The following RGS6 variants were observed in gnomAD, a reference collection of about 807,000 sequenced individuals.
The protein encoded by RGS6 is regulator of G-protein signaling 6.
A neutral mutation model predicts 78.5 loss-of-function variants in RGS6; 30 were observed. That is an observed-to-expected ratio of 0.38 (90% CI 0.29 to 0.52). The LOEUF (loss-of-function observed/expected upper bound fraction) is 0.52. Among genes scored for constraint, RGS6 ranks in the 20% least tolerant of loss-of-function variants. RGS6 has a pLI of 0.85. For synonymous variants in RGS6, 206 were observed against 206.0 expected, an observed-to-expected ratio of 1.00 and a Z score of 0.00; for missense variants, 495 against 609.7, an observed-to-expected ratio of 0.81 and a Z score of 1.98.
chr14:72,419,566 T>C (rs11628263), intron 3 of RGS6, among the ~76,000 whole-genome samples: 57,812 of 152,134 alleles, frequency 0.38, 13,233 homozygotes, highest in African/African-American at 0.63. Context: ...ACAATGTGTC[T>C]GTGCACATGT....
the RGS6 span, among the ~76,000 whole-genome samples, chr14:72,603,436 A>G: frequency 6.6e-6 from 1 of 152,344 alleles, no homozygotes; most frequent in Non-Finnish European, 1.5e-5. Context: ...AGAAATATCC[A>G]TGCCTATGAG....
chr14:71,922,252 C>T, the RGS6 span, among the ~76,000 whole-genome samples: 1 of 152,194 alleles, frequency 6.6e-6, no homozygotes, highest in Admixed American at 6.5e-5. Context: ...AATTCATCAA[C>T]AAGTTTTATC....
At chr14:71,990,722 A>C (rs1387369245) in intron 2 of RGS6, 5 of 455,824 alleles carry the variant, frequency 1.1e-5, no homozygotes, top group African/African-American at 2.0e-5. Flanking sequence ...TCCTCTCTAC[A>C]TGCTGCATTG....
At chr14:72,469,159 G>A (rs754120546) in intron 7 of RGS6, among the ~76,000 whole-genome samples, 5 of 150,794 alleles carry the variant, frequency 3.3e-5, no homozygotes, top group Non-Finnish European at 7.4e-5. Context: ...TCTGTTTTGG[G>A]CTTTTTCTTT....
the RGS6 span, among the ~76,000 whole-genome samples, chr14:71,919,720 G>A: frequency 1.6e-4 from 25 of 152,244 alleles, no homozygotes; most frequent in Admixed American, 1.2e-3. Flanking sequence ...TAAGCTGGGC[G>A]CGGTGGCTCA....
intron 2 of RGS6, among the ~76,000 whole-genome samples, chr14:71,983,788 A>G (rs2094564044): frequency 6.6e-6 from 1 of 152,232 alleles, no homozygotes; most frequent in African/African-American, 2.4e-5. Flanking sequence ...CTAATTTCCA[A>G]ATGAACTTAC....
chr14:72,120,149 A>C (rs1313657842), intron 2 of RGS6, among the ~76,000 whole-genome samples: 2 of 152,240 alleles, frequency 1.3e-5, no homozygotes, highest in East Asian at 3.8e-4. Flanking sequence ...GTCATGGAAT[A>C]TTTAGAGGAT....
intron 3 of RGS6, among the ~76,000 whole-genome samples, chr14:72,425,231 C>T (rs1228570033): frequency 1.3e-5 from 2 of 152,092 alleles, no homozygotes; most frequent in Non-Finnish European, 2.9e-5. Context: ...CTCCACCTCC[C>T]GAGTTCAGGC....
intron 3 of RGS6, among the ~76,000 whole-genome samples, chr14:72,357,419 G>C (rs1376143502): frequency 6.6e-6 from 1 of 152,142 alleles, no homozygotes; most frequent in African/African-American, 2.4e-5. Flanking sequence ...GGAAGATGTG[G>C]GAAAGTTTAG....
chr14:72,210,298 C>T (rs2043779036), intron 2 of RGS6, among the ~76,000 whole-genome samples: 1 of 152,140 alleles, frequency 6.6e-6, no homozygotes, highest in Non-Finnish European at 1.5e-5. Context: ...TTCCTTTTTG[C>T]TGCTAGAGAG....
In RGS6 at chr14:72,031,528, G is replaced by T. The variant is rs144653341; in HGVS notation, c.84+66653G>T. Reference sequence around the variant, plus strand: ...ATCTTAGTGACTTAAGACAACAAAGGTTTATTACATGGATAATGTAGATCA... The same window carrying T: ...ATCTTAGTGACTTAAGACAACAAAGTTTTATTACATGGATAATGTAGATCA... On this transcript the variant is annotated intron_variant, in intron 2 of 17. Transcript: ENST00000553525. Among the ~76,000 whole-genome samples the T allele has an allele frequency of 1.6e-4, 25 of 152,234 alleles. No homozygotes were observed. In the East Asian group the frequency reaches 3.9e-3, roughly 24 times the overall value.
At chr14:72,206,873 T>A (rs1416058259) in intron 2 of RGS6, among the ~76,000 whole-genome samples, 1 of 152,144 alleles carries the variant, frequency 6.6e-6, no homozygotes, top group South Asian at 2.1e-4. Context: ...ATAAAATACA[T>A]GTACAACCAC....
chr14:72,156,687 A>T (rs887201234), intron 2 of RGS6, among the ~76,000 whole-genome samples: 1 of 151,552 alleles, frequency 6.6e-6, no homozygotes, highest in Non-Finnish European at 1.5e-5. Flanking sequence ...ATAAGATGAG[A>T]TCTGCTATTT....
At chr14:72,031,716 T>G (rs1596342144) in intron 2 of RGS6, among the ~76,000 whole-genome samples, 1 of 152,280 alleles carries the variant, frequency 6.6e-6, no homozygotes, top group East Asian at 1.9e-4. Flanking sequence ...TTGCTTATAT[T>G]TCATTGACCA....
chr14:72,134,485 G>A (rs776398864), intron 2 of RGS6, among the ~76,000 whole-genome samples: 11 of 152,166 alleles, frequency 7.2e-5, no homozygotes, highest in Non-Finnish European at 1.3e-4. Context: ...TTTGTTTTAT[G>A]TACAGAAATA....
Position 72,069,943 on chromosome 14 carries a change from A to G in RGS6, c.84+105068A>G, listed in dbSNP as rs1364432093. Among the ~76,000 whole-genome samples, 3 of 152,192 alleles carry G rather than the reference A, an allele frequency of 2.0e-5. No individual in the cohort carries two copies. The East Asian group carries it at 5.8e-4, about 29-fold the overall frequency. On this transcript the variant is annotated intron_variant, in intron 2 of 17. Coordinates refer to ENST00000553525, the MANE Select transcript of RGS6 (RefSeq NM_001204424.2). ...CGTATTTTTGCATTTTAGACCTTCT[A>G]CTTGGAATCACCTTCTTCAACTTGG...
intron 2 of RGS6, among the ~76,000 whole-genome samples, chr14:72,326,915 G>T (rs188140234): frequency 6.6e-6 from 1 of 152,128 alleles, no homozygotes; most frequent in Admixed American, 6.5e-5. Flanking sequence ...CACTGTGTTA[G>T]CCAGGATGGT....
At chr14:72,619,516 T>C in the RGS6 span, 1 of 873,924 alleles carries the variant, frequency 1.1e-6, no homozygotes, top group East Asian at 2.6e-5. Flanking sequence ...CCAGAGTCTG[T>C]GGCTCAGCAG....
intron 2 of RGS6, among the ~76,000 whole-genome samples, chr14:71,995,199 G>A (rs2095144572): frequency 6.6e-6 from 1 of 151,982 alleles, no homozygotes; most frequent in Non-Finnish European, 1.5e-5. Flanking sequence ...CAGTCCCTCT[G>A]GAATTCTTCC....
Sources: gnomAD v4.1 joint callset for allele counts (sites outside exome capture counted in the v4.1 genomes callset) on GRCh38, gnomAD v4.1.1 for gene constraint, MANE v1.5 for transcripts, NCBI Gene and HGNC (gene_info 2026-07-23, HGNC 2026-07-21) for gene names.